Variants in DST observed in about 807,000 individuals in gnomAD.
The protein encoded by DST is bullous pemphigoid antigen.
Under a neutral mutation model 875.2 loss-of-function variants are expected in DST, and 253 were observed. The ratio of observed to expected loss-of-function variants is 0.29; its 90% confidence interval spans 0.26 to 0.32. The LOEUF is 0.32. DST is among the 10% of genes least tolerant of loss of function. The pLI is 1.00. For missense variants in DST, 8,287 were observed against 9,111.6 expected, an observed-to-expected ratio of 0.91 and a Z score of 3.68; for synonymous variants, 3,124 against 3,197.1, an observed-to-expected ratio of 0.98 and a Z score of 0.77.
At chr6:56,524,426 G>A (rs2096760946) in intron 69 of DST, among the ~76,000 whole-genome samples, 1 of 152,060 alleles carries the variant, frequency 6.6e-6, no homozygotes, top group East Asian at 1.9e-4. Flanking sequence ...AAAAAAAATG[G>A]TTTACCACCC....
chr6:56,620,148 T>C lies in DST; in HGVS notation c.4929+4382A>G, dbSNP rs771246306. On this transcript the variant is annotated intron_variant, in intron 36 of 103. Transcript: ENST00000680361. The stretch of plus-strand genomic sequence containing the variant: ...ACCTGTTTCTGAAATGCAAGGTCTT[T>C]TTCCATCTGCTTTATCAGCTTCAAG... 5.4e-5 allele frequency: 87 copies of C among 1,613,538 alleles called. 1 individual carries two copies. In the Middle Eastern group the frequency reaches 1.2e-3, roughly 21 times the overall value.
Position 56,703,695 on chromosome 6 carries a change from C to T in DST, c.829G>A (p.Ala277Thr). Residue 277 changes from alanine to threonine, a missense_variant, in exon 7 of 104, where the codon GCA (alanine) becomes ACA (threonine). Physicochemically the swap from Ala to Thr is moderately conservative, Grantham distance 58. This residue lies in a region of DST where 1,160 missense variants were observed against 1,424.3 expected (regional missense o/e 0.81). Coordinates refer to ENST00000680361, the MANE Select transcript of DST (RefSeq NM_001374736.1). ...KTLRLVSATEACEYEQHEDVE... is the reference protein window; with the variant it reads ...KTLRLVSATETCEYEQHEDVE... ...TCCTCATGCTGTTCATATTCGCATG[C>T]TTCTGTTGCACTCACCAATCGTAAG... is the stretch of plus-strand genomic sequence containing the variant. 2.0e-6 allele frequency: 2 copies of T among 985,300 alleles called. No individual in the cohort carries two copies. The highest frequency in any genetic ancestry group is 2.4e-6 in the Non-Finnish European group (2 of 829,900). 61.0% of individuals were successfully genotyped at this position (985,300 alleles called of 1,614,324 possible).
Position 56,603,013 on chromosome 6 carries a change from G to A in DST, c.11176C>T (p.His3726Tyr). 6.3e-7 allele frequency: 1 copy of A among 1,578,596 alleles called. No individual in the cohort carries two copies. The highest frequency in any genetic ancestry group is 1.2e-5 in the South Asian group (1 of 84,300). ...TTAAGTTTATGCAGAAATTCTTCAT[G>A]GGAAACTGCTAGTTTAGACTAGAAA... ...DSEMSKLAVS[H>Y]EEFLHKLKSF... is the part of the protein sequence containing the mutation. The change falls in exon 43 of 104, where the codon CAT becomes TAT. Residue 3726 changes from histidine to tyrosine, a missense_variant. By Grantham distance (83) the His-to-Tyr change is moderately conservative (BLOSUM62 2). Around this residue, in one of 10 missense-constraint regions of DST, gnomAD observed 3,138 missense variants for 3,116.6 expected, o/e 1.01. Coordinates refer to ENST00000680361, the MANE Select transcript of DST (RefSeq NM_001374736.1).
At chr6:56,701,824 G>A (rs1487758668) in intron 8 of DST, 64 bp downstream of exon 8, 20 of 1,035,612 alleles carry the variant, frequency 1.9e-5, no homozygotes, top group Admixed American at 8.4e-5. Flanking sequence ...TCCTTGACAT[G>A]TTTCTACGTG....
chr6:56,605,807 G>A lies in DST; in HGVS notation c.8821C>T (p.His2941Tyr), dbSNP rs1269077942. 4 of 1,612,418 alleles carry A rather than the reference G, an allele frequency of 2.5e-6. No homozygotes were observed. In the Admixed American group the frequency reaches 6.7e-5, roughly 27 times the overall value. ...GTTGAACTGATATTATTATTATCATGTGAAATACTTGCAGGGCCAAAAGTT... is the reference window on the plus strand; with the variant it reads ...GTTGAACTGATATTATTATTATCATATGAAATACTTGCAGGGCCAAAAGTT... ...EKTFGPASIS[H>Y]DNNNISSTSE... The change falls in exon 40 of 104, where the codon CAT (histidine) becomes TAT (tyrosine). Residue 2941 changes from histidine to tyrosine, a missense_variant. By Grantham distance (83) the His-to-Tyr change is moderately conservative. Transcript: ENST00000680361.
intron 90 of DST, among the ~76,000 whole-genome samples, chr6:56,480,740 G>T (rs969768470): frequency 3.3e-4 from 50 of 152,090 alleles, no homozygotes; most frequent in African/African-American, 1.2e-3. Flanking sequence ...CTCTGGATAC[G>T]TGCCTTCTGG....
At chr6:56,907,264 T>C (rs1032204659) in intron 2 of DST, among the ~76,000 whole-genome samples, 40 of 152,208 alleles carry the variant, frequency 2.6e-4, no homozygotes, top group Non-Finnish European at 5.9e-5. Context: ...TTGGCTTAAG[T>C]CAGACAGTCA....
In DST at chr6:56,901,066, C is replaced by T. The variant is rs147698848; in HGVS notation, c.217-445G>A. Among the ~76,000 whole-genome samples the T allele has an allele frequency of 1.7e-4, 26 of 152,136 alleles. No individual in the cohort carries two copies. The East Asian group carries it at 5.0e-3, about 29-fold the overall frequency. Reference sequence around the variant, plus strand: ...AGACTCTTTCTGAGGAAGGAAAGAGCAGGAATGCCAATCATCACTGCAAAA... The same window carrying T: ...AGACTCTTTCTGAGGAAGGAAAGAGTAGGAATGCCAATCATCACTGCAAAA... On this transcript the variant is annotated intron_variant, in intron 2 of 103. Coordinates refer to ENST00000680361, the MANE Select transcript of DST (RefSeq NM_001374736.1).
At chr6:56,779,023 C>G (rs1434467209) in intron 4 of DST, among the ~76,000 whole-genome samples, 1 of 152,088 alleles carries the variant, frequency 6.6e-6, no homozygotes, top group Non-Finnish European at 1.5e-5. Flanking sequence ...GTTCCTATTT[C>G]TCCACATCCT....
Position 56,592,125 on chromosome 6 carries a change from A to C in DST, c.12903+57T>G. On this transcript the variant is annotated intron_variant, in intron 49 of 103. Coordinates refer to ENST00000680361, the MANE Select transcript of DST (RefSeq NM_001374736.1). ...CTGAAACTATCACAAAAGTGTGAGA[A>C]ATTGGAAGCCTTTCAGTAAGACTAC... The C allele has an allele frequency of 2.0e-6, 3 of 1,496,826 alleles. No homozygotes were observed. In the South Asian group the frequency reaches 3.7e-5, roughly 18 times the overall value. The allele number at this position is 1,496,826 out of a possible 1,614,324, so 92.7% of individuals were successfully genotyped here.
At chr6:56,576,232 G>GTGTA (rs1472806109) in intron 50 of DST, among the ~76,000 whole-genome samples, 3 of 152,166 alleles carry the variant, frequency 2.0e-5, no homozygotes, top group African/African-American at 7.2e-5. Flanking sequence ...ACCTCACCCT[G>GTGTA]TGTATCTCTT....
rs762478273 is a variant in DST, at chr6:56,636,661, TA to T, written c.2965-10del. ...ATTGCCGCTCTGTAGGCCTTAAAGA[TA>T]AAACAGAGCCATCATAACTGACTGG... On this transcript the variant is annotated splice_polypyrimidine_tract_variant and intron_variant, in intron 22 of 103. Transcript: ENST00000680361. 8 of 1,609,806 alleles carry T rather than the reference TA, an allele frequency of 5.0e-6. 1 individual carries two copies. The South Asian group carries it at 7.7e-5, about 15-fold the overall frequency.
intron 7 of DST, 96 bp downstream of exon 7, chr6:56,703,551 TA>T: frequency 5.6e-6 from 2 of 356,310 alleles, no homozygotes; most frequent in Non-Finnish European, 7.8e-6. Context: ...TATGCTTTTC[TA>T]AAAAGGAGCC....
intron 61 of DST, chr6:56,541,463 C>G (rs1410378479): frequency 6.6e-6 from 1 of 152,612 alleles, no homozygotes; most frequent in Non-Finnish European, 1.5e-5. Flanking sequence ...ATAGATTGAC[C>G]GCTGTGGGAC....
chr6:56,744,624 G>A (rs2099566153), intron 4 of DST, among the ~76,000 whole-genome samples: 1 of 152,134 alleles, frequency 6.6e-6, no homozygotes. Context: ...TGGTGAACAG[G>A]GAGCTGGGTG....
intron 90 of DST, among the ~76,000 whole-genome samples, chr6:56,478,353 G>C (rs563010199): frequency 6.6e-6 from 1 of 152,206 alleles, no homozygotes; most frequent in East Asian, 1.9e-4. Context: ...GGTTGGAAGA[G>C]TGAGCCTGAC....
intron 5 of DST, among the ~76,000 whole-genome samples, chr6:56,722,910 T>A (rs1286814508): frequency 6.6e-6 from 1 of 152,250 alleles, no homozygotes; most frequent in Non-Finnish European, 1.5e-5. Flanking sequence ...TGGCAGACTT[T>A]CCTTCAACTC....
chr6:56,468,538 C>T (rs1424831555), intron 98 of DST, among the ~76,000 whole-genome samples: 1 of 152,130 alleles, frequency 6.6e-6, no homozygotes, highest in Admixed American at 6.6e-5. Flanking sequence ...GACCTCTTGG[C>T]TCTCTGTCTT....
intron 4 of DST, among the ~76,000 whole-genome samples, chr6:56,785,107 C>A (rs975442046): frequency 1.1e-4 from 17 of 152,132 alleles, no homozygotes; most frequent in African/African-American, 4.1e-4. Flanking sequence ...AGAGGAGTAC[C>A]CGGCCGTGCG....
Sources: gnomAD v4.1 joint callset for allele counts (sites outside exome capture counted in the v4.1 genomes callset) on GRCh38, gnomAD v4.1.1 for gene constraint, gnomAD v4.1.1 regional missense constraint, MANE v1.5 for transcripts, NCBI Gene and HGNC (gene_info 2026-07-23, HGNC 2026-07-21) for gene names.